The following MKLN1 variants were observed in gnomAD, a reference collection of about 807,000 sequenced individuals.
The protein encoded by MKLN1 is muskelin.
In MKLN1, 18 loss-of-function variants were observed where a neutral mutation model predicts 99.0. The observed-to-expected ratio is 0.18, with a 90% CI of 0.13 to 0.27. The LOEUF (loss-of-function observed/expected upper bound fraction) is 0.27. MKLN1 is among the 10% of genes least tolerant of loss of function. MKLN1 has a pLI of 1.00. For missense variants in MKLN1, 621 were observed against 875.9 expected, an observed-to-expected ratio of 0.71 and a Z score of 3.67; for synonymous variants, 288 against 293.2, an observed-to-expected ratio of 0.98 and a Z score of 0.18.
In MKLN1 at chr7:131,491,203, A is replaced by G. The variant is rs1797413312; in HGVS notation, c.*3475A>G. 1 of 152,032 alleles carries G rather than the reference A, an allele frequency of 6.6e-6. No homozygotes were observed. The highest frequency in any genetic ancestry group is 2.1e-4 in the South Asian group (1 of 4,820). The allele number at this position is 152,032 out of a possible 1,614,324, so 9.4% of individuals were successfully genotyped here. A position where few individuals can be genotyped will look rare whatever the true frequency, so the allele number is the denominator to read the frequency against. ...GGAATCATTGCAATGTATATTCTAAATAAAGTCATCTAACTATTAAAAAAA... is the reference window on the plus strand; with the variant it reads ...GGAATCATTGCAATGTATATTCTAAGTAAAGTCATCTAACTATTAAAAAAA... On this transcript the variant is annotated 3_prime_UTR_variant, in exon 18 of 18. Transcript: ENST00000352689.
chr7:131,317,310 TAAAG>T (rs888321525), intron 3 of MKLN1, among the ~76,000 whole-genome samples: 2 of 152,112 alleles, frequency 1.3e-5, no homozygotes, highest in African/African-American at 4.8e-5. Context: ...TCAACATTCT[TAAAG>T]AAAAGAATTT....
intron 7 of MKLN1, among the ~76,000 whole-genome samples, chr7:131,412,950 T>C (rs1416898929): frequency 6.6e-6 from 1 of 152,218 alleles, no homozygotes; most frequent in Admixed American, 6.5e-5. Context: ...TTATCAGTCA[T>C]GTATGAGGTA....
At position 131,401,079 on chromosome 7, in the gene MKLN1, G is replaced by A. The variant is rs73722818; in HGVS notation, c.703+1646G>A. 6.3e-3 allele frequency among the ~76,000 whole-genome samples: 959 copies of A among 152,216 alleles called. 9 individuals carry two copies. Among genetic ancestry groups the A allele is most frequent in the African/African-American group, 0.022 (902 of 41,550 alleles). On this transcript the variant is annotated intron_variant, in intron 6 of 17. Coordinates refer to ENST00000352689, the MANE Select transcript of MKLN1 (RefSeq NM_013255.5). ...GCTCTATTAAAAACATAGCAGAGAA[G>A]GACAAGAAGTTCCTGCCTGCTAAAT... is the stretch of plus-strand genomic sequence containing the variant.
At chr7:131,227,836 G>A (rs1049969910) in intron 3 of MKLN1, among the ~76,000 whole-genome samples, 3 of 152,096 alleles carry the variant, frequency 2.0e-5, no homozygotes, top group Non-Finnish European at 2.9e-5. Flanking sequence ...AAAGTGCTGG[G>A]ATTACAGGCT....
At position 131,488,513 on chromosome 7, in the gene MKLN1, C is replaced by G. The variant is rs1333677056; in HGVS notation, c.*785C>G. Reference sequence around the variant, plus strand: ...AACTGAGGAGACAATAGTTCAGAACCTTTTTAAGAGCCATTCTAAAAGTGA... The same window carrying G: ...AACTGAGGAGACAATAGTTCAGAACGTTTTTAAGAGCCATTCTAAAAGTGA... On this transcript the variant is annotated 3_prime_UTR_variant, in exon 18 of 18. Coordinates refer to ENST00000352689, the MANE Select transcript of MKLN1 (RefSeq NM_013255.5). 6.6e-6 allele frequency: 1 copy of G among 152,268 alleles called. No homozygotes were observed. Among genetic ancestry groups the G allele is most frequent in the Non-Finnish European group, 1.5e-5 (1 of 67,958 alleles). The allele number at this position is 152,268 out of a possible 1,614,324, so 9.4% of individuals were successfully genotyped here.
intron 2 of MKLN1, among the ~76,000 whole-genome samples, chr7:131,177,416 C>T (rs1308057924): frequency 2.7e-5 from 4 of 150,892 alleles, no homozygotes; most frequent in African/African-American, 7.3e-5. Flanking sequence ...TTGCAGTGAG[C>T]CAAGATTGTG....
intron 1 of MKLN1, among the ~76,000 whole-genome samples, chr7:131,339,732 A>G (rs1424898657): frequency 1.3e-5 from 2 of 152,032 alleles, no homozygotes; most frequent in East Asian, 1.9e-4. Flanking sequence ...TAATCTTTCT[A>G]TAAGTATAGT....
chr7:131,308,625 G>T (rs1798506597), intron 3 of MKLN1, among the ~76,000 whole-genome samples: 1 of 144,958 alleles, frequency 6.9e-6, no homozygotes, highest in South Asian at 2.2e-4. Context: ...CACTCCTTTT[G>T]CCCAGGCTGT....
chr7:131,395,883 A>G (rs1794344936), intron 4 of MKLN1, among the ~76,000 whole-genome samples: 1 of 151,868 alleles, frequency 6.6e-6, no homozygotes, highest in Non-Finnish European at 1.5e-5. Context: ...TCAATTATTC[A>G]CTAAAATTTT....
At chr7:131,329,689 T>C (rs1252220867) in intron 1 of MKLN1, among the ~76,000 whole-genome samples, 2 of 152,246 alleles carry the variant, frequency 1.3e-5, no homozygotes, top group Non-Finnish European at 2.9e-5. Context: ...CGTTATCTGT[T>C]GTATAGACAT....
intron 2 of MKLN1, among the ~76,000 whole-genome samples, chr7:131,194,976 A>G (rs1796620134): frequency 1.3e-5 from 2 of 152,222 alleles, no homozygotes; most frequent in Non-Finnish European, 2.9e-5. Context: ...TCTGGTAAGC[A>G]TGTGACTGAC....
intron 2 of MKLN1, among the ~76,000 whole-genome samples, chr7:131,198,075 C>G (rs1796675480): frequency 6.6e-6 from 1 of 152,182 alleles, no homozygotes. Context: ...GAATCATTGA[C>G]TGAAAGACAC....
intron 17 of MKLN1, among the ~76,000 whole-genome samples, chr7:131,480,322 A>G (rs931249045): frequency 6.6e-6 from 1 of 150,442 alleles, no homozygotes; most frequent in South Asian, 2.1e-4. Context: ...ATAAAATAAC[A>G]CTTTGGGATA....
At chr7:131,137,727 A>G (rs1795670250) in intron 1 of MKLN1, among the ~76,000 whole-genome samples, 1 of 151,730 alleles carries the variant, frequency 6.6e-6, no homozygotes, top group African/African-American at 2.4e-5. Flanking sequence ...TGCATGCGCC[A>G]CCATACCCGG....
At position 131,487,465 on chromosome 7, in the gene MKLN1, T is replaced by TGG. The variant is rs1797313187; in HGVS notation, c.2087-139_2087-138dup. 1 of 803,798 alleles carries TGG rather than the reference T, an allele frequency of 1.2e-6. No individual in the cohort carries two copies. Among genetic ancestry groups the TGG allele is most frequent in the African/African-American group, 1.8e-5 (1 of 56,404 alleles). The allele number at this position is 803,798 out of a possible 1,614,324, so 49.8% of individuals were successfully genotyped here. A position where few individuals can be genotyped will look rare whatever the true frequency, so the allele number is the denominator to read the frequency against. On this transcript the variant is annotated intron_variant, in intron 17 of 17. Coordinates refer to ENST00000352689, the MANE Select transcript of MKLN1 (RefSeq NM_013255.5). This position sits in a 1 kb window ranked among gnomAD's most constrained non-coding sequence, Gnocchi z 4.7. ...TCACACCACAGCCAGGTAGTAGAAC[T>TGG]GGGGTCAGATCAGTAGTGTCTGCCT...
chr7:131,426,569 G>T (rs1283593094), intron 8 of MKLN1, among the ~76,000 whole-genome samples: 1 of 151,946 alleles, frequency 6.6e-6, no homozygotes, highest in South Asian at 2.1e-4. Flanking sequence ...TTTTTTTGTA[G>T]TTTAAAATAA....
chr7:131,327,576 A>G, upstream of MKLN1: 1 of 290,770 alleles, frequency 3.4e-6, no homozygotes, highest in Non-Finnish European at 6.4e-6. Context: ...CCATAACTAC[A>G]ACGTGTTTCT....
At chr7:131,441,885 T>C (rs1795851203) in intron 10 of MKLN1, among the ~76,000 whole-genome samples, 1 of 152,184 alleles carries the variant, frequency 6.6e-6, no homozygotes, top group Non-Finnish European at 1.5e-5. Context: ...TCCCTAAAGA[T>C]TTTCAGCATA....
chr7:131,389,276 T>C (rs1229214876), intron 4 of MKLN1, among the ~76,000 whole-genome samples: 5 of 152,150 alleles, frequency 3.3e-5, no homozygotes, highest in African/African-American at 1.2e-4. Context: ...GTGGAATCTT[T>C]TCCAAATGTT....
Sources: allele counts gnomAD v4.1 joint callset (sites outside exome capture counted in the v4.1 genomes callset), GRCh38; gene constraint gnomAD v4.1.1; non-coding constraint Gnocchi (gnomAD v3.1); transcripts MANE v1.5; gene names NCBI Gene and HGNC (gene_info 2026-07-23, HGNC 2026-07-21).